TPCN2: variants seen among roughly 807,000 people sequenced by gnomAD.
TPCN2 encodes two pore channel protein 2.
TPCN2 carries 92 observed loss-of-function variants against 111.4 expected under a neutral mutation model. The ratio of observed to expected loss-of-function variants is 0.83; its 90% confidence interval spans 0.70 to 0.98. TPCN2 has a LOEUF of 0.98. Ranked by LOEUF, TPCN2 falls within the 50% of genes least tolerant of loss-of-function variation. The pLI is 0.00. For missense variants in TPCN2, 995 were observed against 980.1 expected, an observed-to-expected ratio of 1.02 and a Z score of -0.20; for synonymous variants, 405 against 414.5, an observed-to-expected ratio of 0.98 and a Z score of 0.28.
rs763474576 is a variant in TPCN2, at chr11:69,057,627, G to T, written c.479G>T (p.Gly160Val). ...TTCCAGAAAAACCTTTGGCTGCTGG[G>T]CTACCTCGTGGTGCTGGTGGTGTCT... is the stretch of plus-strand genomic sequence containing the variant. The part of the protein sequence containing the change: ...AHFQKNLWLL[G>V]YLVVLVVSLV... Residue 160 changes from glycine to valine, a missense_variant, in exon 5 of 25, where the codon GGC becomes GTC. Gly to Val is a moderately radical substitution (Grantham distance 109). Coordinates refer to ENST00000294309, the MANE Select transcript of TPCN2 (RefSeq NM_139075.4). 1 of 1,614,220 alleles carries T rather than the reference G, an allele frequency of 6.2e-7. No homozygotes were observed. Among genetic ancestry groups the T allele is most frequent in the Non-Finnish European group, 8.5e-7 (1 of 1,180,028 alleles).
intron 7 of TPCN2, among the ~76,000 whole-genome samples, chr11:69,065,331 A>G (rs1296121537): frequency 2.6e-5 from 4 of 152,206 alleles, no homozygotes; most frequent in African/African-American, 4.8e-5. Context: ...GGAAGTGGCA[A>G]CAGCCTCGGC....
At chr11:69,052,832 G>C (rs559291404) in intron 1 of TPCN2, among the ~76,000 whole-genome samples, 24 of 152,338 alleles carry the variant, frequency 1.6e-4, no homozygotes, top group South Asian at 6.2e-4. Context: ...TTGTCTTGGT[G>C]CAGCTGTGGG....
Position 69,062,988 on chromosome 11 carries a change from C to T in TPCN2, c.651C>T (p.Ala217=). ...TCCGCTGGTCGCTGCCGGAAATGGC[C>T]AGGTGGGCTCTTGGTGCTCTGGGCT... ...KCIRWSLPEM[A]SVGLLLAIHL... The change falls in exon 6 of 25, where the codon GCC becomes GCT. Residue 217 remains alanine (A), a splice_region_variant and synonymous_variant. Transcript: ENST00000294309. 6.2e-7 allele frequency: 1 copy of T among 1,613,706 alleles called. No individual in the cohort carries two copies. The highest frequency in any genetic ancestry group is 8.5e-7 in the Non-Finnish European group (1 of 1,179,676).
rs370022048 is a variant in TPCN2, at chr11:69,072,021, G to T, written c.1059G>T (p.Gln353His). ...SMVGEGGAFP[Q>H]AVGVKPQNLL... is the part of the protein sequence containing the mutation. Reference sequence around the variant, plus strand: ...TGGGGGAGGGAGGAGCCTTCCCTCAGGCGTGAGTGCTGGGCATGGACCCTC... The same window carrying T: ...TGGGGGAGGGAGGAGCCTTCCCTCATGCGTGAGTGCTGGGCATGGACCCTC... The change falls in exon 11 of 25, where the codon CAG (glutamine) becomes CAT (histidine). Residue 353 changes from glutamine (Q) to histidine (H), a missense_variant and splice_region_variant. Gln to His is a conservative substitution (Grantham distance 24). Coordinates refer to ENST00000294309, the MANE Select transcript of TPCN2 (RefSeq NM_139075.4). 1.2e-6 allele frequency: 2 copies of T among 1,612,362 alleles called. No individual in the cohort carries two copies. The highest frequency in any genetic ancestry group is 1.7e-6 in the Non-Finnish European group (2 of 1,178,856).
At position 69,081,440 on chromosome 11, in the gene TPCN2, A is replaced by G. The variant is rs867533490; in HGVS notation, c.1630A>G (p.Thr544Ala). Residue 544 changes from threonine to alanine, a missense_variant, in exon 18 of 25, where the codon ACC (threonine) becomes GCC (alanine). Physicochemically the swap from Thr to Ala is moderately conservative, Grantham distance 58. Transcript: ENST00000294309. ...MVGLLSLWDM[T>A]RMLNMLIVFR... ...GGGCCTGCTGTCGCTGTGGGACATG[A>G]CCCGCATGCTGAACATGCTCATCGT... 6.4e-7 allele frequency: 1 copy of G among 1,572,408 alleles called. No individual in the cohort carries two copies. Among genetic ancestry groups the G allele is most frequent in the Admixed American group, 1.8e-5 (1 of 55,260 alleles).
rs182096264 is a variant in TPCN2 at position 69,073,179 on chromosome 11, T to G, written c.1230+178T>G. ...TTTGGCTCTTGGAGACTGGGGAGAT[T>G]TTTATGAAATTCACCAGACCCCAGG... On this transcript the variant is annotated intron_variant, in intron 13 of 24. Transcript: ENST00000294309. Among the ~76,000 whole-genome samples, 37 of 152,184 alleles carry G rather than the reference T, an allele frequency of 2.4e-4. 1 individual carries two copies. The highest frequency in any genetic ancestry group is 2.0e-3 in the Admixed American group (31 of 15,298).
chr11:69,078,957 C>T lies in TPCN2; in HGVS notation c.1476C>T (p.Gly492=). ...TGCTGCTCAAGGTCTTTGCCCTGGG[C>T]CTGCGAGGGTACCTGTCCTACCCCA... ...LEMLLKVFAL[G]LRGYLSYPSN... Residue 492 remains glycine (G), a synonymous_variant, in exon 16 of 25, where the codon GGC becomes GGT. Coordinates refer to ENST00000294309, the MANE Select transcript of TPCN2 (RefSeq NM_139075.4). The T allele has an allele frequency of 6.2e-7, 1 of 1,614,054 alleles. No individual in the cohort carries two copies. Among genetic ancestry groups the T allele is most frequent in the South Asian group, 1.1e-5 (1 of 91,070 alleles).
chr11:69,049,678 G>T (rs1861127832), intron 1 of TPCN2, among the ~76,000 whole-genome samples: 1 of 152,104 alleles, frequency 6.6e-6, no homozygotes, highest in African/African-American at 2.4e-5. Context: ...GTGGGGCTGG[G>T]GCGGGCCCCC....
intron 6 of TPCN2, among the ~76,000 whole-genome samples, chr11:69,063,438 G>C (rs1018726334): frequency 5.3e-5 from 8 of 151,886 alleles, no homozygotes; most frequent in African/African-American, 1.9e-4. Flanking sequence ...CACTAGAAGC[G>C]TGGGGCTCTC....
rs186761250 is a variant in TPCN2 at position 69,059,145 on chromosome 11, G to A, written c.546+1451G>A. ...GGGACTGGACCTTCCTCCCTGAGGG[G>A]CCCGAGTCCTTGGTGGTCCTGCCTT... On this transcript the variant is annotated intron_variant, in intron 5 of 24. Coordinates refer to ENST00000294309, the MANE Select transcript of TPCN2 (RefSeq NM_139075.4). Among the ~76,000 whole-genome samples, 80 of 152,318 alleles carry A rather than the reference G, an allele frequency of 5.3e-4. 2 individuals carry two copies. The East Asian group carries it at 0.013, about 25-fold the overall frequency.
rs765122048 is a variant in TPCN2 at position 69,079,895 on chromosome 11, G to A, written c.1589+12G>A. ...CCACACCCAGGCTGGTATGTGACTG[G>A]GCAGAACCGAGGGCGGCTACAGCAA... On this transcript the variant is annotated intron_variant, in intron 17 of 24. Transcript: ENST00000294309. 6 of 1,613,542 alleles carry A rather than the reference G, an allele frequency of 3.7e-6. No individual in the cohort carries two copies. Among genetic ancestry groups the A allele is most frequent in the Non-Finnish European group, 5.1e-6 (6 of 1,179,836 alleles).
At chr11:69,086,419 G>A in intron 22 of TPCN2, 104 bp from the exon 23 acceptor site, 1 of 916,474 alleles carries the variant, frequency 1.1e-6, no homozygotes, top group Non-Finnish European at 1.8e-6. Flanking sequence ...GTGTGTGTGG[G>A]CCGGCTGCCC....
chr11:69,074,044 A>G (rs1340770163), intron 13 of TPCN2, among the ~76,000 whole-genome samples: 3 of 152,206 alleles, frequency 2.0e-5, no homozygotes, highest in African/African-American at 7.2e-5. Context: ...ATATAGTCAC[A>G]TTCTGAGCTA....
chr11:69,085,321 T>A, intron 20 of TPCN2, 35 bp downstream of exon 20: 2 of 748,808 alleles, frequency 2.7e-6, no homozygotes, highest in Non-Finnish European at 4.6e-6. Flanking sequence ...AGGGAGTGTC[T>A]CAGGGGTGCT....
At chr11:69,057,469 G>A in intron 4 of TPCN2, 109 bp from the exon 5 acceptor site, 1 of 1,032,254 alleles carries the variant, frequency 9.7e-7, no homozygotes, top group Non-Finnish European at 1.5e-6. Context: ...CTGTTGTGGA[G>A]GCGCACCCTG....
chr11:69,050,866 G>A (rs1416309225), intron 1 of TPCN2, among the ~76,000 whole-genome samples: 1 of 152,172 alleles, frequency 6.6e-6, no homozygotes, highest in Non-Finnish European at 1.5e-5. Context: ...GGTGAGACCC[G>A]CTCTGCTGGG....
rs181255048 is a variant in TPCN2, at chr11:69,062,048, T to C, written c.547-836T>C. On this transcript the variant is annotated intron_variant, in intron 5 of 24. Coordinates refer to ENST00000294309, the MANE Select transcript of TPCN2 (RefSeq NM_139075.4). ...TTGGCTCACGGCTCTGTAGGCTGCATGGGAAGCATGGTGCTGGCGTCTGCT... is the reference window on the plus strand; with the variant it reads ...TTGGCTCACGGCTCTGTAGGCTGCACGGGAAGCATGGTGCTGGCGTCTGCT... Among the ~76,000 whole-genome samples the C allele has an allele frequency of 2.1e-3, 327 of 152,104 alleles. 2 individuals carry two copies. Among genetic ancestry groups the C allele is most frequent in the African/African-American group, 7.4e-3 (306 of 41,460 alleles).
chr11:69,081,943 G>C (rs2134630244), intron 18 of TPCN2, among the ~76,000 whole-genome samples: 1 of 152,226 alleles, frequency 6.6e-6, no homozygotes, highest in African/African-American at 2.4e-5. Flanking sequence ...CATCTCTGAG[G>C]GCTGGTTTCT....
rs1861312831 is a variant in TPCN2, at chr11:69,053,232, TGCTGTTGGTAAA to T, written c.110-799_110-788del. On this transcript the variant is annotated intron_variant, in intron 1 of 24. Coordinates refer to ENST00000294309, the MANE Select transcript of TPCN2 (RefSeq NM_139075.4). ...CTGCCGGGAGGCTCCACCCTGCTTG[TGCTGTTGGTAAA>T]GGCGGGCGGCCACCCTTCACCACAG... 3.3e-5 allele frequency among the ~76,000 whole-genome samples: 5 copies of T among 152,288 alleles called. No homozygotes were observed. The South Asian group carries it at 1.0e-3, about 32-fold the overall frequency.
Sources: allele counts gnomAD v4.1 joint callset (sites outside exome capture counted in the v4.1 genomes callset), GRCh38; gene constraint gnomAD v4.1.1; transcripts MANE v1.5; gene names NCBI Gene and HGNC (gene_info 2026-07-23, HGNC 2026-07-21).